Variants in AOPEP observed in about 807,000 individuals in gnomAD.
AOPEP encodes aminopeptidase O.
A neutral mutation model predicts 98.1 loss-of-function variants in AOPEP; 77 were observed. The ratio of observed to expected loss-of-function variants is 0.78; its 90% CI spans 0.65 to 0.95. The LOEUF (loss-of-function observed/expected upper bound fraction) is 0.95. AOPEP is among the 40% of genes least tolerant of loss of function. The pLI is 0.00. For synonymous variants in AOPEP, 346 were observed against 365.3 expected, an observed-to-expected ratio of 0.95 and a Z score of 0.60; for missense variants, 1,024 against 1,024.7, an observed-to-expected ratio of 1.00 and a Z score of 0.01.
chr9:95,082,504 T>C, intron 15 of AOPEP, 71 bp from the exon 16 acceptor site: 1 of 1,527,430 alleles, frequency 6.5e-7, no homozygotes, highest in Admixed American at 1.8e-5. Flanking sequence ...AAGCACAGAC[T>C]GAGCTCATGT....
At chr9:94,825,014 G>T (rs1008191764) in intron 5 of AOPEP, among the ~76,000 whole-genome samples, 3 of 151,050 alleles carry the variant, frequency 2.0e-5, no homozygotes, top group Admixed American at 6.6e-5. Flanking sequence ...TTTGATTTTT[G>T]CCCTGGCGTT....
chr9:95,111,151 G>C, the AOPEP span: 1 of 1,534,918 alleles, frequency 6.5e-7, no homozygotes, highest in African/African-American at 1.4e-5. Flanking sequence ...GCACGCCTTG[G>C]AGGACGCGAC....
intron 5 of AOPEP, among the ~76,000 whole-genome samples, chr9:94,863,471 G>A (rs1161124358): frequency 2.0e-5 from 3 of 151,978 alleles, no homozygotes; most frequent in African/African-American, 7.2e-5. Flanking sequence ...TAGTAGAGAT[G>A]GGGTTTTGCC....
At chr9:94,759,528 A>G (rs3808890) in intron 1 of AOPEP, 121 bp from the exon 2 acceptor site, 32,942 of 430,362 alleles carry the variant, frequency 0.077, 1,567 homozygotes, top group African/African-American at 0.12. Context: ...CCTTCTAGCC[A>G]TGAGCATCTA....
chr9:95,124,004 T>C, the AOPEP span: 1 of 327,780 alleles, frequency 3.1e-6, no homozygotes, highest in African/African-American at 2.3e-5. Context: ...ACGCAGGGGC[T>C]GAAGTGTGAG....
the AOPEP span, among the ~76,000 whole-genome samples, chr9:95,116,949 T>G: frequency 6.6e-6 from 1 of 152,238 alleles, no homozygotes; most frequent in Non-Finnish European, 1.5e-5. Flanking sequence ...GTAGAAAGAA[T>G]GAAAAGCAAA....
At chr9:95,063,217 A>G (rs2067486876) in intron 14 of AOPEP, among the ~76,000 whole-genome samples, 1 of 152,222 alleles carries the variant, frequency 6.6e-6, no homozygotes, top group Non-Finnish European at 1.5e-5. Flanking sequence ...TAAAAAATAT[A>G]TTTGACAGCT....
Position 94,940,992 on chromosome 9 carries a change from TA to T in AOPEP, c.1661+12471del, listed in dbSNP as rs35838994. On this transcript the variant is annotated intron_variant, in intron 7 of 16. Transcript: ENST00000375315. ...TTAATTTTACTAATTAAGAGAATGT[TA>T]AAAAAAAAAGTGCAAGAATGCCTGG... is the stretch of plus-strand genomic sequence containing the variant. Among the ~76,000 whole-genome samples, 1,102 of 148,672 alleles carry T rather than the reference TA, an allele frequency of 7.4e-3. 20 individuals carry two copies. The highest frequency in any genetic ancestry group is 0.026 in the African/African-American group (1,041 of 40,622).
intron 1 of AOPEP, among the ~76,000 whole-genome samples, chr9:94,748,553 A>G (rs528262916): frequency 1.3e-5 from 2 of 152,348 alleles, no homozygotes; most frequent in South Asian, 2.1e-4. Context: ...TTATTAAACT[A>G]AAAATGTAGC....
intron 5 of AOPEP, among the ~76,000 whole-genome samples, chr9:94,826,280 A>G (rs1854525828): frequency 6.6e-6 from 1 of 152,198 alleles, no homozygotes; most frequent in African/African-American, 2.4e-5. Context: ...GCCTCTTGGC[A>G]GATGGAAGAA....
chr9:95,126,438 CA>C, the AOPEP span: 4 of 1,248,884 alleles, frequency 3.2e-6, no homozygotes, highest in Non-Finnish European at 4.7e-6. Flanking sequence ...CCCCATGATA[CA>C]GCCAGAGACT....
chr9:94,952,410 T>C (rs1315958602), intron 7 of AOPEP, among the ~76,000 whole-genome samples: 1 of 152,238 alleles, frequency 6.6e-6, no homozygotes, highest in Non-Finnish European at 1.5e-5. Context: ...GAAACCTTCC[T>C]GTTTCTCTGC....
the AOPEP span, among the ~76,000 whole-genome samples, chr9:95,105,219 A>G: frequency 1.3e-5 from 2 of 152,142 alleles, no homozygotes; most frequent in African/African-American, 4.8e-5. Flanking sequence ...CAGGATGGAG[A>G]CAATCTCCTG....
intron 1 of AOPEP, among the ~76,000 whole-genome samples, chr9:94,729,555 A>T (rs564925184): frequency 4.0e-5 from 6 of 150,420 alleles, no homozygotes; most frequent in Admixed American, 1.3e-4. Flanking sequence ...CCTGGGAGAC[A>T]CAGTGATGAG....
rs558433189 is a variant in AOPEP at position 94,833,484 on chromosome 9, G to A, written c.1364+32482G>A. 3.9e-5 allele frequency among the ~76,000 whole-genome samples: 6 copies of A among 152,036 alleles called. No individual in the cohort carries two copies. In the South Asian group the frequency reaches 6.2e-4, roughly 16 times the overall value. ...ACTCCTGACCTCAGGTGATGCACCC[G>A]CCTTAGCCTCCCAAAGTGCTGGGAT... On this transcript the variant is annotated intron_variant, in intron 5 of 16. Transcript: ENST00000375315.
intron 5 of AOPEP, among the ~76,000 whole-genome samples, chr9:94,906,256 C>T (rs1031515084): frequency 4.0e-5 from 6 of 149,548 alleles, no homozygotes; most frequent in African/African-American, 1.5e-4. Context: ...CCCAGGAGAT[C>T]GAGACCAGCC....
chr9:95,111,506 TAGA>T, the AOPEP span: 3 of 1,613,984 alleles, frequency 1.9e-6, no homozygotes, highest in Non-Finnish European at 2.5e-6. Context: ...GGGGCCGTAG[TAGA>T]AGGCCAAGAG....
intron 5 of AOPEP, among the ~76,000 whole-genome samples, chr9:94,855,779 A>G (rs758344384): frequency 1.3e-5 from 2 of 152,210 alleles, no homozygotes; most frequent in Non-Finnish European, 2.9e-5. Context: ...TCAAATGCTC[A>G]TTAAGCTTGA....
chr9:94,889,358 G>A (rs747931764), intron 5 of AOPEP, among the ~76,000 whole-genome samples: 1 of 152,130 alleles, frequency 6.6e-6, no homozygotes. Flanking sequence ...TTTTACTGCT[G>A]AGTAGAATTT....
Sources: allele counts gnomAD v4.1 joint callset (sites outside exome capture counted in the v4.1 genomes callset), GRCh38; gene constraint gnomAD v4.1.1; transcripts MANE v1.5; gene names NCBI Gene and HGNC (gene_info 2026-07-23, HGNC 2026-07-21).